The following NEUROD2 variants were observed in gnomAD, a reference collection of about 807,000 sequenced individuals.
NEUROD2 encodes neuronal differentiation 2.
Under a neutral mutation model 9.3 loss-of-function variants are expected in NEUROD2, and 5 were observed. That is an observed-to-expected ratio of 0.54 (90% confidence interval 0.28 to 1.13). NEUROD2 has a LOEUF of 1.13. Among genes scored for constraint, NEUROD2 ranks in the 50% most tolerant of loss-of-function variants. The pLI is 0.10. For synonymous variants in NEUROD2, 277 were observed against 257.3 expected, an observed-to-expected ratio of 1.08 and a Z score of -0.73; for missense variants, 376 against 549.2, an observed-to-expected ratio of 0.68 and a Z score of 3.15.
Position 39,603,845 on chromosome 17 carries a change from T to C in NEUROD2, c.*1606A>G, listed in dbSNP as rs2056754477. 3 of 152,736 alleles carry C rather than the reference T, an allele frequency of 2.0e-5. No individual in the cohort carries two copies. 9.5% of individuals were successfully genotyped at this position (152,736 alleles called of 1,614,324 possible). A position where few individuals can be genotyped will look rare whatever the true frequency, so the allele number is the denominator to read the frequency against. ...ACAGAAACACGCAATGCACTTCGGG[T>C]GTCCGACGGGAGTTTCATCTTCGCT... On this transcript the variant is annotated 3_prime_UTR_variant, in exon 2 of 2. Coordinates refer to ENST00000302584, the MANE Select transcript of NEUROD2 (RefSeq NM_006160.4).
At chr17:39,607,383 A>C (rs1160127130) in intron 1 of NEUROD2, 1 of 155,046 alleles carries the variant, frequency 6.4e-6, no homozygotes, top group Non-Finnish European at 1.4e-5. Context: ...GATGGGGGAA[A>C]AATCCAAATT....
At position 39,603,853 on chromosome 17, in the gene NEUROD2, G is replaced by A. The variant is rs1313294630; in HGVS notation, c.*1598C>T. 2 of 152,734 alleles carry A rather than the reference G, an allele frequency of 1.3e-5. No homozygotes were observed. The highest frequency in any genetic ancestry group is 6.5e-5 in the Admixed American group (1 of 15,282). The allele number at this position is 152,734 out of a possible 1,614,324, so 9.5% of individuals were successfully genotyped here. ...ACGCAATGCACTTCGGGTGTCCGAC[G>A]GGAGTTTCATCTTCGCTACAAGAGG... On this transcript the variant is annotated 3_prime_UTR_variant, in exon 2 of 2. Coordinates refer to ENST00000302584, the MANE Select transcript of NEUROD2 (RefSeq NM_006160.4).
chr17:39,606,760 GC>G lies in NEUROD2; in HGVS notation c.-5-157del. The G allele has an allele frequency of 1.3e-6, 1 of 770,380 alleles. No individual in the cohort carries two copies. Among genetic ancestry groups the G allele is most frequent in the East Asian group, 3.3e-5 (1 of 30,728 alleles). 47.7% of individuals were successfully genotyped at this position (770,380 alleles called of 1,614,324 possible). On this transcript the variant is annotated intron_variant, in intron 1 of 1. Transcript: ENST00000302584. The surrounding 1 kb of genome is among the most constrained non-coding windows in gnomAD (Gnocchi z 7.8). ...GATGCCCACCTCCGCCGCCTGCCCC[GC>G]CCAGAGCCGGCCCAGCCCTACCCGG...
At position 39,605,491 on chromosome 17, in the gene NEUROD2, C is replaced by G. The variant is rs779298309; in HGVS notation, c.1109G>C (p.Gly370Ala). ...CGCATTGAGCTCCTCGTACATGGGG[C>G]CCCGGTCGTGGTGAAGGTGCATATC... ...SYDMHLHHDR[G>A]PMYEELNAFF... Residue 370 changes from glycine to alanine, a missense_variant, in exon 2 of 2, where the codon GGC becomes GCC. Physicochemically the swap from Gly to Ala is moderately conservative, Grantham distance 60 (BLOSUM62 0). Around this residue, in one of 3 missense-constraint regions of NEUROD2, gnomAD observed 193 missense variants for 255.8 expected, o/e 0.75. Coordinates refer to ENST00000302584, the MANE Select transcript of NEUROD2 (RefSeq NM_006160.4). The surrounding 1 kb of genome is among the most constrained non-coding windows in gnomAD (Gnocchi z 6.8). The G allele has an allele frequency of 3.7e-6, 6 of 1,607,954 alleles. No individual in the cohort carries two copies. Among genetic ancestry groups the G allele is most frequent in the Non-Finnish European group, 5.1e-6 (6 of 1,176,670 alleles).
In NEUROD2 at chr17:39,606,402, C is replaced by A; in HGVS notation, c.198G>T (p.Thr66=). 3 of 1,544,892 alleles carry A rather than the reference C, an allele frequency of 1.9e-6. No individual in the cohort carries two copies. ...KPVPLRGEEG[T]EATLAEVKEE... ...CCTTGACCTCGGCCAACGTGGCCTC[C>A]GTCCCCTCTTCTCCACGGAGAGGGA... The change falls in exon 2 of 2, where the codon ACG becomes ACT. Residue 66 remains threonine, a synonymous_variant. Coordinates refer to ENST00000302584, the MANE Select transcript of NEUROD2 (RefSeq NM_006160.4). This position sits in a 1 kb window ranked among gnomAD's most constrained non-coding sequence, Gnocchi z 7.8.
chr17:39,606,330 T>G lies in NEUROD2; in HGVS notation c.270A>C (p.Glu90Asp), dbSNP rs1380296917. ...GGEEEEEEEEEEGLDEAEGER... is the reference protein window; with the variant it reads ...GGEEEEEEEEDEGLDEAEGER... ...CGCCCTCCGCCTCGTCCAGTCCTTC[T>G]TCCTCCTCCTCTTCCTCCTCCTCCT... The change falls in exon 2 of 2, where the codon GAA (glutamate) becomes GAC (aspartate). Residue 90 changes from glutamate (E) to aspartate (D), a missense_variant. Coordinates refer to ENST00000302584, the MANE Select transcript of NEUROD2 (RefSeq NM_006160.4). This position sits in a 1 kb window ranked among gnomAD's most constrained non-coding sequence, Gnocchi z 7.8. 6.3e-7 allele frequency: 1 copy of G among 1,596,460 alleles called. No individual in the cohort carries two copies. The highest frequency in any genetic ancestry group is 8.5e-7 in the Non-Finnish European group (1 of 1,174,152).
Position 39,603,980 on chromosome 17 carries a change from G to A in NEUROD2, c.*1471C>T, listed in dbSNP as rs1369270821. 1 of 152,610 alleles carries A rather than the reference G, an allele frequency of 6.6e-6. No homozygotes were observed. The highest frequency in any genetic ancestry group is 2.4e-5 in the African/African-American group (1 of 41,318). The allele number at this position is 152,610 out of a possible 1,614,324, so 9.5% of individuals were successfully genotyped here. A position where few individuals can be genotyped will look rare whatever the true frequency, so the allele number is the denominator to read the frequency against. Reference sequence around the variant, plus strand: ...GATGCCTGATCCCCTGCCTCCGGTGGGCAGAGGGTCTCCTTTTGCCCCTTT... The same window carrying A: ...GATGCCTGATCCCCTGCCTCCGGTGAGCAGAGGGTCTCCTTTTGCCCCTTT... On this transcript the variant is annotated 3_prime_UTR_variant, in exon 2 of 2. Coordinates refer to ENST00000302584, the MANE Select transcript of NEUROD2 (RefSeq NM_006160.4).
rs1007486451 is a variant in NEUROD2 at position 39,603,824 on chromosome 17, A to G, written c.*1627T>C. 3.3e-5 allele frequency: 5 copies of G among 152,746 alleles called. No homozygotes were observed. The highest frequency in any genetic ancestry group is 1.2e-4 in the African/African-American group (5 of 41,432). The allele number at this position is 152,746 out of a possible 1,614,324, so 9.5% of individuals were successfully genotyped here. A position where few individuals can be genotyped will look rare whatever the true frequency, so the allele number is the denominator to read the frequency against. On this transcript the variant is annotated 3_prime_UTR_variant, in exon 2 of 2. Coordinates refer to ENST00000302584, the MANE Select transcript of NEUROD2 (RefSeq NM_006160.4). Reference sequence around the variant, plus strand: ...TATTAATCGTCATTAAACTGAACAGAAACACGCAATGCACTTCGGGTGTCC... The same window carrying G: ...TATTAATCGTCATTAAACTGAACAGGAACACGCAATGCACTTCGGGTGTCC...
Position 39,604,339 on chromosome 17 carries a change from A to G in NEUROD2, c.*1112T>C, listed in dbSNP as rs2056756996. 1 of 152,550 alleles carries G rather than the reference A, an allele frequency of 6.6e-6. No individual in the cohort carries two copies. The highest frequency in any genetic ancestry group is 2.4e-5 in the African/African-American group (1 of 41,376). The allele number at this position is 152,550 out of a possible 1,614,324, so 9.4% of individuals were successfully genotyped here. Reference sequence around the variant, plus strand: ...CCTCCCTCCCCAAACCGACCCCCCAACAGTTTGCCATTCCATACAAATTTG... The same window carrying G: ...CCTCCCTCCCCAAACCGACCCCCCAGCAGTTTGCCATTCCATACAAATTTG... On this transcript the variant is annotated 3_prime_UTR_variant, in exon 2 of 2. Transcript: ENST00000302584.
chr17:39,605,354 G>A lies in NEUROD2; in HGVS notation c.*97C>T. The A allele has an allele frequency of 2.8e-6, 4 of 1,422,156 alleles. No homozygotes were observed. Among genetic ancestry groups the A allele is most frequent in the Non-Finnish European group, 2.8e-6 (3 of 1,082,168 alleles). The allele number at this position is 1,422,156 out of a possible 1,614,324, so 88.1% of individuals were successfully genotyped here. Reference sequence around the variant, plus strand: ...GACCGGTGGCCCGCTCCCCGCGCCCGGCGCCGGGGTAGGATGGGGGTGTCC... The same window carrying A: ...GACCGGTGGCCCGCTCCCCGCGCCCAGCGCCGGGGTAGGATGGGGGTGTCC... On this transcript the variant is annotated 3_prime_UTR_variant, in exon 2 of 2. Transcript: ENST00000302584. The surrounding 1 kb of genome is among the most constrained non-coding windows in gnomAD (Gnocchi z 6.8).
chr17:39,605,903 G>A lies in NEUROD2; in HGVS notation c.697C>T (p.Pro233Ser). 1 of 1,606,374 alleles carries A rather than the reference G, an allele frequency of 6.2e-7. No individual in the cohort carries two copies. Among genetic ancestry groups the A allele is most frequent in the African/African-American group, 1.3e-5 (1 of 74,938 alleles). The change falls in exon 2 of 2, where the codon CCG (proline) becomes TCG (serine). Residue 233 changes from proline (P) to serine (S), a missense_variant. Pro to Ser is a moderately conservative substitution (Grantham distance 74, BLOSUM62 -1). Coordinates refer to ENST00000302584, the MANE Select transcript of NEUROD2 (RefSeq NM_006160.4). The surrounding 1 kb of genome is among the most constrained non-coding windows in gnomAD (Gnocchi z 6.8). The part of the protein sequence containing the change: ...GAGRFHGSGG[P>S]FAMHPYPYPC... Reference sequence around the variant, plus strand: ...TACGGGTAGGGGTGCATGGCGAACGGGCCGCCCGAGCCGTGGAAGCGGCCG... The same window carrying A: ...TACGGGTAGGGGTGCATGGCGAACGAGCCGCCCGAGCCGTGGAAGCGGCCG...
chr17:39,607,049 C>T, intron 1 of NEUROD2: 1 of 157,900 alleles, frequency 6.3e-6, no homozygotes, highest in Non-Finnish European at 1.4e-5. Flanking sequence ...GCGGCCCGGG[C>T]CCCCCGGCCC....
At chr17:39,607,167 C>T (rs1305008520) in intron 1 of NEUROD2, 1 of 152,376 alleles carries the variant, frequency 6.6e-6, no homozygotes, top group Non-Finnish European at 1.5e-5. Context: ...CCCCCAATTC[C>T]AGAGGCGGGA....
chr17:39,605,485 A>G lies in NEUROD2; in HGVS notation c.1115T>C (p.Met372Thr), dbSNP rs1597766138. Residue 372 changes from methionine to threonine, a missense_variant, in exon 2 of 2, where the codon ATG becomes ACG. By Grantham distance (81) the Met-to-Thr change is moderately conservative. This residue lies in a region of NEUROD2 where 193 missense variants were observed against 255.8 expected (regional missense o/e 0.75). Coordinates refer to ENST00000302584, the MANE Select transcript of NEUROD2 (RefSeq NM_006160.4). The surrounding 1 kb of genome is among the most constrained non-coding windows in gnomAD (Gnocchi z 6.8). Reference sequence around the variant, plus strand: ...AAAAAACGCATTGAGCTCCTCGTACATGGGGCCCCGGTCGTGGTGAAGGTG... The same window carrying G: ...AAAAAACGCATTGAGCTCCTCGTACGTGGGGCCCCGGTCGTGGTGAAGGTG... ...DMHLHHDRGPMYEELNAFFHN is the reference protein window; with the variant it reads ...DMHLHHDRGPTYEELNAFFHN 7 of 1,605,990 alleles carry G rather than the reference A, an allele frequency of 4.4e-6. No individual in the cohort carries two copies. The highest frequency in any genetic ancestry group is 6.0e-6 in the Non-Finnish European group (7 of 1,175,744).
chr17:39,606,094 T>C lies in NEUROD2; in HGVS notation c.506A>G (p.Tyr169Cys). The change falls in exon 2 of 2, where the codon TAT becomes TGT. Residue 169 changes from tyrosine to cysteine, a missense_variant. Tyr to Cys is a radical substitution (Grantham distance 194). Transcript: ENST00000302584. The surrounding 1 kb of genome is among the most constrained non-coding windows in gnomAD (Gnocchi z 7.8). ...KIETLRLAKN[Y>C]IWALSEILRS... ...CAGGATCTCCGAGAGCGCCCAGATA[T>C]AGTTCTTGGCTAGGCGCAGCGTCTC... The C allele has an allele frequency of 6.2e-7, 1 of 1,614,082 alleles. No homozygotes were observed. Among genetic ancestry groups the C allele is most frequent in the Non-Finnish European group, 8.5e-7 (1 of 1,180,008 alleles).
In NEUROD2 at chr17:39,605,549, C is replaced by G. The variant is rs774133907; in HGVS notation, c.1051G>C (p.Gly351Arg). 1 of 1,613,346 alleles carries G rather than the reference C, an allele frequency of 6.2e-7. No homozygotes were observed. The highest frequency in any genetic ancestry group is 1.1e-5 in the South Asian group (1 of 91,060). Residue 351 changes from glycine to arginine, a missense_variant, in exon 2 of 2, where the codon GGG (glycine) becomes CGG (arginine). Coordinates refer to ENST00000302584, the MANE Select transcript of NEUROD2 (RefSeq NM_006160.4). The surrounding 1 kb of genome is among the most constrained non-coding windows in gnomAD (Gnocchi z 6.8). ...GLVFGSSAVRGGVHSENLLSY... is the reference protein window; with the variant it reads ...GLVFGSSAVRRGVHSENLLSY... ...AAGAGATTCTCCGAGTGGACGCCCC[C>G]GCGCACAGCCGACGAGCCGAAGACT...
chr17:39,604,474 G>A lies in NEUROD2; in HGVS notation c.*977C>T, dbSNP rs543739980. The A allele has an allele frequency of 5.6e-4, 85 of 152,372 alleles. No homozygotes were observed. The highest frequency in any genetic ancestry group is 2.0e-3 in the African/African-American group (82 of 41,552). The allele number at this position is 152,372 out of a possible 1,614,324, so 9.4% of individuals were successfully genotyped here. On this transcript the variant is annotated 3_prime_UTR_variant, in exon 2 of 2. Coordinates refer to ENST00000302584, the MANE Select transcript of NEUROD2 (RefSeq NM_006160.4). ...TCACTGATTGTAAGAACCTGGGGAG[G>A]GGGAGGGGGCGGCGCGGGCCCCCAC...
Position 39,606,671 on chromosome 17 carries a change from G to C in NEUROD2, c.-5-67C>G. The C allele has an allele frequency of 1.4e-6, 2 of 1,412,152 alleles. No individual in the cohort carries two copies. Among genetic ancestry groups the C allele is most frequent in the Non-Finnish European group, 1.9e-6 (2 of 1,076,356 alleles). 87.5% of individuals were successfully genotyped at this position (1,412,152 alleles called of 1,614,324 possible). A position where few individuals can be genotyped will look rare whatever the true frequency, so the allele number is the denominator to read the frequency against. On this transcript the variant is annotated intron_variant, in intron 1 of 1. Transcript: ENST00000302584. The surrounding 1 kb of genome is among the most constrained non-coding windows in gnomAD (Gnocchi z 7.8). ...AAAGTGAGGGGCGCGCTGGGGTACC[G>C]ACGCCCCCCCACAACCCTCCTCCAC...
Position 39,604,841 on chromosome 17 carries a change from A to G in NEUROD2, c.*610T>C, listed in dbSNP as rs2056760520. 2 of 115,844 alleles carry G rather than the reference A, an allele frequency of 1.7e-5. No individual in the cohort carries two copies. Among genetic ancestry groups the G allele is most frequent in the African/African-American group, 6.7e-5 (2 of 30,074 alleles). 7.2% of individuals were successfully genotyped at this position (115,844 alleles called of 1,614,324 possible). On this transcript the variant is annotated 3_prime_UTR_variant, in exon 2 of 2. Coordinates refer to ENST00000302584, the MANE Select transcript of NEUROD2 (RefSeq NM_006160.4). ...AAAGGAAAAGGGAAAAACGGATTCT[A>G]GTTACAAATTGTCTTGGCCTCTCTC... is the stretch of plus-strand genomic sequence containing the variant.
Sources: gnomAD v4.1 joint callset for allele counts on GRCh38, gnomAD v4.1.1 for gene constraint, gnomAD v4.1.1 regional missense constraint, Gnocchi (gnomAD v3.1) non-coding constraint, MANE v1.5 for transcripts, NCBI Gene and HGNC (gene_info 2026-07-23, HGNC 2026-07-21) for gene names.